UTS2B: variants seen among roughly 807,000 people sequenced by gnomAD.
The protein encoded by UTS2B is urotensin-2B.
Under a neutral mutation model 19.2 loss-of-function variants are expected in UTS2B, and 21 were observed. The observed-to-expected ratio is 1.09, with a 90% CI of 0.78 to 1.58. The LOEUF (loss-of-function observed/expected upper bound fraction) is 1.58, where lower values mean the gene tolerates loss of function less well. Ranked by LOEUF, UTS2B falls within the 40% of genes most tolerant of loss-of-function variation. UTS2B has a pLI of 0.00. For missense variants in UTS2B, 138 were observed against 130.3 expected, an observed-to-expected ratio of 1.06 and a Z score of -0.29; for synonymous variants, 57 against 50.2, an observed-to-expected ratio of 1.14 and a Z score of -0.58.
chr3:191,342,633 G>A, the UTS2B span, among the ~76,000 whole-genome samples: 1 of 152,128 alleles, frequency 6.6e-6, no homozygotes, highest in Non-Finnish European at 1.5e-5. Flanking sequence ...TAAGGAGATG[G>A]GTGGCTTTTC....
At chr3:191,311,509 G>T (rs1717300698) in intron 3 of UTS2B, among the ~76,000 whole-genome samples, 1 of 152,116 alleles carries the variant, frequency 6.6e-6, no homozygotes, top group Admixed American at 6.5e-5. Flanking sequence ...GATAGCCAAG[G>T]TTCTATGATT....
intron 4 of UTS2B, among the ~76,000 whole-genome samples, chr3:191,301,373 C>G (rs1240413158): frequency 6.6e-6 from 1 of 151,758 alleles, no homozygotes; most frequent in Non-Finnish European, 1.5e-5. Context: ...TTTCTCACCA[C>G]AAGAGTGTTG....
chr3:191,325,214 A>C (rs1215031353), intron 2 of UTS2B, among the ~76,000 whole-genome samples: 5 of 152,230 alleles, frequency 3.3e-5, no homozygotes, highest in Non-Finnish European at 7.3e-5. Flanking sequence ...AGTTACCCAG[A>C]AGTGTACAGA....
chr3:191,306,791 A>G (rs1717152262), intron 3 of UTS2B, among the ~76,000 whole-genome samples: 1 of 152,014 alleles, frequency 6.6e-6, no homozygotes, highest in South Asian at 2.1e-4. Context: ...ACACCACCAT[A>G]CCAGCTAATT....
the UTS2B span, among the ~76,000 whole-genome samples, chr3:191,337,168 GAA>G: frequency 1.4e-5 from 2 of 141,118 alleles, no homozygotes; most frequent in Admixed American, 7.0e-5. Flanking sequence ...ATACTAGACA[GAA>G]AAAAAAAAAA....
At chr3:191,284,403 C>A (rs948943030) in intron 4 of UTS2B, among the ~76,000 whole-genome samples, 3 of 151,828 alleles carry the variant, frequency 2.0e-5, no homozygotes, top group African/African-American at 7.3e-5. Flanking sequence ...TTCACTGCAA[C>A]CTTCACCTCC....
intron 5 of UTS2B, among the ~76,000 whole-genome samples, chr3:191,279,554 C>T (rs1716325457): frequency 6.6e-6 from 1 of 151,896 alleles, no homozygotes; most frequent in Non-Finnish European, 1.5e-5. Flanking sequence ...ATGTATATGA[C>T]TAAGAGTAAT....
chr3:191,338,237 A>G, the UTS2B span, among the ~76,000 whole-genome samples: 1 of 152,210 alleles, frequency 6.6e-6, no homozygotes, highest in East Asian at 1.9e-4. Context: ...TATATTCACT[A>G]ATTTTTGAGT....
chr3:191,328,482 A>G (rs1247038728), intron 2 of UTS2B, 149 bp downstream of exon 2: 2 of 152,022 alleles, frequency 1.3e-5, no homozygotes, highest in African/African-American at 4.8e-5. Context: ...AGAATATGTA[A>G]CTCTTTATGT....
At chr3:191,271,597 C>T (rs1461087641) in intron 8 of UTS2B, among the ~76,000 whole-genome samples, 1 of 152,166 alleles carries the variant, frequency 6.6e-6, no homozygotes, top group Non-Finnish European at 1.5e-5. Flanking sequence ...TTTCTTGCCT[C>T]CTTCTTTGTA....
At chr3:191,294,343 G>C (rs1480387265) in intron 4 of UTS2B, among the ~76,000 whole-genome samples, 1 of 151,848 alleles carries the variant, frequency 6.6e-6, no homozygotes, top group African/African-American at 2.4e-5. Flanking sequence ...TCAAACTCCA[G>C]GGTCTATTAG....
intron 4 of UTS2B, among the ~76,000 whole-genome samples, chr3:191,295,069 A>G (rs769588637): frequency 4.8e-4 from 73 of 152,042 alleles, no homozygotes; most frequent in Middle Eastern, 3.4e-3. Context: ...TTTGTCTTCC[A>G]TCTTAAAACA....
the UTS2B span, among the ~76,000 whole-genome samples, chr3:191,336,668 T>C: frequency 6.6e-6 from 1 of 152,222 alleles, no homozygotes; most frequent in East Asian, 1.9e-4. Flanking sequence ...TACTTGATAT[T>C]AGCTAAATCT....
chr3:191,280,044 A>G (rs1023155080), intron 5 of UTS2B, among the ~76,000 whole-genome samples: 6 of 152,142 alleles, frequency 3.9e-5, no homozygotes, highest in African/African-American at 1.4e-4. Flanking sequence ...CCAATACGAG[A>G]GAGTGTTTTT....
At chr3:191,344,538 T>C in the UTS2B span, among the ~76,000 whole-genome samples, 5 of 152,206 alleles carry the variant, frequency 3.3e-5, no homozygotes, top group Admixed American at 6.5e-5. Context: ...ATAGAACATA[T>C]TGATTTTGGT....
chr3:191,304,717 G>T (rs926597046), intron 3 of UTS2B, among the ~76,000 whole-genome samples, 169 bp from the exon 4 acceptor site: 1 of 152,148 alleles, frequency 6.6e-6, no homozygotes, highest in Non-Finnish European at 1.5e-5. Flanking sequence ...GTGCAGGTTT[G>T]TTACATAGGT....
At chr3:191,325,239 G>A (rs1717715245) in intron 2 of UTS2B, among the ~76,000 whole-genome samples, 1 of 152,096 alleles carries the variant, frequency 6.6e-6, no homozygotes, top group African/African-American at 2.4e-5. Context: ...TGCAATAAGG[G>A]TATGTAGTAG....
chr3:191,282,417 AG>A, intron 4 of UTS2B, 104 bp from the exon 5 acceptor site: 2 of 432,260 alleles, frequency 4.6e-6, no homozygotes, highest in Admixed American at 7.9e-5. Context: ...TTTGTTATGG[AG>A]TCAATGGCAG....
chr3:191,295,822 A>C (rs2108588951), intron 4 of UTS2B, among the ~76,000 whole-genome samples: 1 of 150,130 alleles, frequency 6.7e-6, no homozygotes, highest in East Asian at 1.9e-4. Context: ...AAAGTCATCA[A>C]TTAAGTCTCT....
Sources: allele counts gnomAD v4.1 joint callset (sites outside exome capture counted in the v4.1 genomes callset), GRCh38; gene constraint gnomAD v4.1.1; transcripts MANE v1.5; gene names NCBI Gene and HGNC (gene_info 2026-07-23, HGNC 2026-07-21).